The following TSHZ3 variants were observed in gnomAD, a reference collection of about 807,000 sequenced individuals.
TSHZ3 encodes the protein teashirt zinc finger homeobox 3.
A neutral mutation model predicts 64.5 loss-of-function variants in TSHZ3; 10 were observed. The ratio of observed to expected loss-of-function variants is 0.16; its 90% CI spans 0.10 to 0.26. The LOEUF is 0.26. Among genes scored for constraint, TSHZ3 ranks in the 10% least tolerant of loss-of-function variants. The pLI, the probability that TSHZ3 is intolerant of heterozygous loss-of-function variation, is 1.00. For missense variants in TSHZ3, 1,242 were observed against 1,421.7 expected, an observed-to-expected ratio of 0.87 and a Z score of 2.03; for synonymous variants, 608 against 593.1, an observed-to-expected ratio of 1.03 and a Z score of -0.36.
At chr19:31,166,199 G>A (rs1003473827) in intron 5 of TSHZ3, among the ~76,000 whole-genome samples, 2 of 152,204 alleles carry the variant, frequency 1.3e-5, no homozygotes, top group Non-Finnish European at 2.9e-5. Context: ...ATGAGCCACT[G>A]AGAAGAGAGG....
chr19:31,204,452 G>T (rs932163108), intron 5 of TSHZ3, among the ~76,000 whole-genome samples: 5 of 151,400 alleles, frequency 3.3e-5, no homozygotes, highest in African/African-American at 9.7e-5. Context: ...CCCCTTTTTG[G>T]GGGAGGGGTG....
intron 3 of TSHZ3, among the ~76,000 whole-genome samples, chr19:31,240,432 T>C (rs1448611233): frequency 6.6e-6 from 1 of 151,980 alleles, no homozygotes; most frequent in Non-Finnish European, 1.5e-5. Context: ...TTTCACAGAG[T>C]GCTTTTTATG....
intron 1 of TSHZ3, among the ~76,000 whole-genome samples, chr19:31,322,533 A>C (rs1345083111): frequency 2.0e-5 from 3 of 152,158 alleles, no homozygotes; most frequent in Non-Finnish European, 4.4e-5. Flanking sequence ...GGATTCTCCC[A>C]TCTCAGCCTC....
chr19:31,212,025 A>T (rs1230324562), intron 4 of TSHZ3, among the ~76,000 whole-genome samples: 1 of 151,728 alleles, frequency 6.6e-6, no homozygotes. Flanking sequence ...AATCCTTGAG[A>T]GCACTTTTAA....
chr19:31,208,042 C>G (rs1266477757), intron 4 of TSHZ3, among the ~76,000 whole-genome samples: 2 of 152,194 alleles, frequency 1.3e-5, no homozygotes, highest in East Asian at 3.9e-4. Flanking sequence ...CTGCTCGTGG[C>G]AACACCCTTA....
At chr19:31,294,016 C>T (rs1976621048) in intron 1 of TSHZ3, among the ~76,000 whole-genome samples, 3 of 152,160 alleles carry the variant, frequency 2.0e-5, no homozygotes, top group Non-Finnish European at 4.4e-5. Flanking sequence ...CGTCACAGAA[C>T]AGAGACACTC....
chr19:31,178,873 C>G (rs2145123448), intron 5 of TSHZ3, among the ~76,000 whole-genome samples: 1 of 152,290 alleles, frequency 6.6e-6, no homozygotes, highest in Middle Eastern at 3.4e-3. Context: ...AGGATGCAAA[C>G]ACCACGTGCT....
chr19:31,152,233 A>G (rs1003164886), intron 6 of TSHZ3, among the ~76,000 whole-genome samples: 1 of 152,032 alleles, frequency 6.6e-6, no homozygotes, highest in Non-Finnish European at 1.5e-5. Context: ...GTGTCTTTCC[A>G]TTCCAATAAG....
chr19:31,193,038 C>G (rs544353136), intron 5 of TSHZ3, among the ~76,000 whole-genome samples: 1 of 152,146 alleles, frequency 6.6e-6, no homozygotes, highest in Non-Finnish European at 1.5e-5. Flanking sequence ...AGCCCATCTG[C>G]GACCCTGGTT....
chr19:31,333,618 C>A (rs1448483213), intron 1 of TSHZ3, among the ~76,000 whole-genome samples: 2 of 151,500 alleles, frequency 1.3e-5, no homozygotes, highest in Non-Finnish European at 2.9e-5. Flanking sequence ...ACAAAAAAAA[C>A]AAACATGCTG....
At chr19:31,315,314 T>C (rs960715169) in intron 1 of TSHZ3, among the ~76,000 whole-genome samples, 3 of 152,240 alleles carry the variant, frequency 2.0e-5, no homozygotes, top group Non-Finnish European at 4.4e-5. Context: ...ATAGAGGAGA[T>C]TCCCCCAGCC....
chr19:31,316,117 G>A (rs1054920565), intron 1 of TSHZ3, among the ~76,000 whole-genome samples: 2 of 152,134 alleles, frequency 1.3e-5, no homozygotes, highest in African/African-American at 4.8e-5. Flanking sequence ...GAAGTCTGAC[G>A]CCCCTAAGAG....
At position 31,235,471 on chromosome 19, in the gene TSHZ3, T is replaced by C. The variant is rs117865406; in HGVS notation, n.550+6798A>G. ...TGCCTGTCTGTCTCTACCTGACTTA[T>C]ATCACTTAACATAATGTGCTCCAGG... On this transcript the variant is annotated intron_variant and non_coding_transcript_variant, in intron 3 of 6. Transcript: ENST00000651361. Among the ~76,000 whole-genome samples, 214 of 152,236 alleles carry C rather than the reference T, an allele frequency of 1.4e-3. 1 individual carries two copies. Among genetic ancestry groups the C allele is most frequent in the Non-Finnish European group, 2.3e-3 (156 of 68,014 alleles).
intron 5 of TSHZ3, among the ~76,000 whole-genome samples, chr19:31,179,525 G>T (rs1317701477): frequency 1.3e-5 from 2 of 152,168 alleles, no homozygotes; most frequent in African/African-American, 4.8e-5. Flanking sequence ...TTTGGAGGGG[G>T]GCAAACAGAG....
intron 1 of TSHZ3, among the ~76,000 whole-genome samples, chr19:31,295,652 G>A (rs909924474): frequency 2.0e-5 from 3 of 152,124 alleles, no homozygotes; most frequent in African/African-American, 7.2e-5. Context: ...CCTGGAACAC[G>A]AAATGTTCTG....
At chr19:31,185,590 G>T (rs917877156) in intron 5 of TSHZ3, among the ~76,000 whole-genome samples, 1 of 152,166 alleles carries the variant, frequency 6.6e-6, no homozygotes, top group Non-Finnish European at 1.5e-5. Flanking sequence ...AGGCCATTGT[G>T]TGTCTATTTG....
chr19:31,249,352 T>G (rs374560908), intron 1 of TSHZ3, among the ~76,000 whole-genome samples: 1 of 152,116 alleles, frequency 6.6e-6, no homozygotes, highest in African/African-American at 2.4e-5. Flanking sequence ...GATCTAGCTT[T>G]GGAAACTTGG....
intron 1 of TSHZ3, among the ~76,000 whole-genome samples, chr19:31,264,589 C>T (rs890311492): frequency 2.6e-5 from 4 of 152,280 alleles, no homozygotes; most frequent in East Asian, 1.9e-4. Flanking sequence ...GGCTGCTGCC[C>T]GGTTCCAGCC....
At chr19:31,287,351 G>A (rs796247456) in intron 1 of TSHZ3, among the ~76,000 whole-genome samples, 11 of 152,126 alleles carry the variant, frequency 7.2e-5, no homozygotes, top group Non-Finnish European at 1.3e-4. Context: ...TTCCTTTTCC[G>A]CATGTCTTCT....
Sources: gnomAD v4.1 joint callset for allele counts (sites outside exome capture counted in the v4.1 genomes callset) on GRCh38, gnomAD v4.1.1 for gene constraint, MANE v1.5 for transcripts, NCBI Gene and HGNC (gene_info 2026-07-23, HGNC 2026-07-21) for gene names.